The following NKAIN2 variants were observed in gnomAD, a reference collection of about 807,000 sequenced individuals.
NKAIN2 encodes the protein sodium/potassium transporting ATPase interacting 2.
Under a neutral mutation model 32.6 loss-of-function variants are expected in NKAIN2, and 14 were observed. That is an observed-to-expected ratio of 0.43 (90% CI 0.28 to 0.67). The LOEUF is 0.67. NKAIN2 is among the 30% of genes least tolerant of loss of function. NKAIN2 has a pLI of 0.17. For synonymous variants in NKAIN2, 80 were observed against 87.2 expected (o/e 0.92, Z 0.46); for missense variants, 198 against 258.3 (o/e 0.77, Z 1.60).
At chr6:124,050,318 T>C (rs1366351906) in intron 1 of NKAIN2, among the ~76,000 whole-genome samples, 1 of 152,076 alleles carries the variant, frequency 6.6e-6, no homozygotes, top group African/African-American at 2.4e-5. Context: ...TCACTTAGTC[T>C]GACTGGTCAA....
chr6:124,334,901 C>T lies in NKAIN2; in HGVS notation c.193-20366C>T, dbSNP rs544484579. The stretch of plus-strand genomic sequence containing the variant: ...AGTTGAGCCCACGCTCAGGAATGAA[C>T]AGCTTGGAAGTTAGAAGCAAGATGG... On this transcript the variant is annotated intron_variant, in intron 2 of 6. Coordinates refer to ENST00000368417, the MANE Select transcript of NKAIN2 (RefSeq NM_001040214.3). 1.2e-4 allele frequency among the ~76,000 whole-genome samples: 19 copies of T among 152,264 alleles called. No individual in the cohort carries two copies. The South Asian group carries it at 3.3e-3, about 27-fold the overall frequency.
chr6:123,978,395 G>A (rs1778739661), intron 1 of NKAIN2, among the ~76,000 whole-genome samples: 1 of 152,148 alleles, frequency 6.6e-6, no homozygotes. Context: ...TCACTCTGCA[G>A]TTGTCAATTA....
At chr6:124,314,938 A>G (rs1301485819) in intron 2 of NKAIN2, among the ~76,000 whole-genome samples, 5 of 152,178 alleles carry the variant, frequency 3.3e-5, no homozygotes. Flanking sequence ...CCTAGTATCA[A>G]TATTCAATTT....
At chr6:124,761,270 A>G (rs952917232) in intron 4 of NKAIN2, among the ~76,000 whole-genome samples, 25 of 152,202 alleles carry the variant, frequency 1.6e-4, no homozygotes, top group African/African-American at 5.8e-4. Context: ...ACAGATAGTT[A>G]CCACACATGA....
At position 123,956,469 on chromosome 6, in the gene NKAIN2, CTG is replaced by C. The variant is rs1777597572; in HGVS notation, c.54+152219_54+152220del. On this transcript the variant is annotated intron_variant, in intron 1 of 6. Transcript: ENST00000368417. ...TACGTGTGCACACATAGAGGAATGGCTGTGTAAGGAGTAGCAAGTAGTCCCCT... is the reference window on the plus strand; with the variant it reads ...TACGTGTGCACACATAGAGGAATGGCTGTAAGGAGTAGCAAGTAGTCCCCT... Among the ~76,000 whole-genome samples the C allele has an allele frequency of 2.6e-5, 4 of 152,276 alleles. No homozygotes were observed. The South Asian group carries it at 8.3e-4, about 32-fold the overall frequency.
At chr6:123,861,300 G>A (rs1775777892) in intron 1 of NKAIN2, among the ~76,000 whole-genome samples, 1 of 152,178 alleles carries the variant, frequency 6.6e-6, no homozygotes, top group Admixed American at 6.5e-5. Flanking sequence ...ATATTTTAGA[G>A]GTCAGAAGCA....
intron 1 of NKAIN2, among the ~76,000 whole-genome samples, chr6:124,017,141 G>A (rs1318029985): frequency 6.6e-6 from 1 of 152,150 alleles, no homozygotes; most frequent in African/African-American, 2.4e-5. Context: ...GTCTTAACAT[G>A]GCAGTAGGCA....
At chr6:124,252,140 C>T (rs1344762145) in intron 1 of NKAIN2, among the ~76,000 whole-genome samples, 1 of 151,996 alleles carries the variant, frequency 6.6e-6, no homozygotes, top group Non-Finnish European at 1.5e-5. Flanking sequence ...GCGTGGTTCA[C>T]ATAGTCACAC....
intron 3 of NKAIN2, among the ~76,000 whole-genome samples, chr6:124,510,074 T>C (rs1778651633): frequency 6.6e-6 from 1 of 152,010 alleles, no homozygotes; most frequent in Non-Finnish European, 1.5e-5. Context: ...TTCCCACTGT[T>C]CCCTGACTGG....
intron 4 of NKAIN2, among the ~76,000 whole-genome samples, chr6:124,706,599 C>A (rs1441000836): frequency 6.6e-6 from 1 of 152,048 alleles, no homozygotes; most frequent in Non-Finnish European, 1.5e-5. Flanking sequence ...CCAAACAGGG[C>A]AGACTCAAAG....
chr6:123,952,578 A>G (rs1042312490), intron 1 of NKAIN2, among the ~76,000 whole-genome samples: 2 of 152,112 alleles, frequency 1.3e-5, no homozygotes, highest in Non-Finnish European at 2.9e-5. Context: ...CATTCTTTTT[A>G]AAACATTCTT....
chr6:124,356,081 T>A lies in NKAIN2; in HGVS notation c.273+734T>A, dbSNP rs899528932. 5.7e-4 allele frequency among the ~76,000 whole-genome samples: 87 copies of A among 152,218 alleles called. 1 individual carries two copies. Among genetic ancestry groups the A allele is most frequent in the Non-Finnish European group, 7.3e-5 (5 of 68,032 alleles). The stretch of plus-strand genomic sequence containing the variant: ...TCAAACTTGTATGTACTTCCTCGTA[T>A]TTAAAACTTTAAAACATAAAAATTG... On this transcript the variant is annotated intron_variant, in intron 3 of 6. Coordinates refer to ENST00000368417, the MANE Select transcript of NKAIN2 (RefSeq NM_001040214.3).
chr6:124,085,310 A>T (rs1784145869), intron 1 of NKAIN2, among the ~76,000 whole-genome samples: 1 of 151,872 alleles, frequency 6.6e-6, no homozygotes, highest in Non-Finnish European at 1.5e-5. Context: ...GGCTTAAAAA[A>T]TGAAATAACC....
At chr6:123,809,938 T>G (rs1302215074) in intron 1 of NKAIN2, among the ~76,000 whole-genome samples, 2 of 152,210 alleles carry the variant, frequency 1.3e-5, no homozygotes, top group African/African-American at 4.8e-5. Flanking sequence ...AAACTGATTT[T>G]TAAGTGCATT....
intron 3 of NKAIN2, among the ~76,000 whole-genome samples, chr6:124,526,953 G>C (rs765130600): frequency 6.6e-6 from 1 of 151,930 alleles, no homozygotes; most frequent in Non-Finnish European, 1.5e-5. Context: ...TTCCTTATTA[G>C]CCTCAGCTAT....
chr6:124,718,401 C>A (rs911153456), intron 4 of NKAIN2, among the ~76,000 whole-genome samples: 1 of 152,074 alleles, frequency 6.6e-6, no homozygotes, highest in African/African-American at 2.4e-5. Flanking sequence ...TCATAGCATG[C>A]ATCAGTATTT....
chr6:124,287,860 T>G (rs1795627536), intron 2 of NKAIN2, among the ~76,000 whole-genome samples: 2 of 152,154 alleles, frequency 1.3e-5, no homozygotes, highest in Non-Finnish European at 1.5e-5. Flanking sequence ...CTGAGGAATA[T>G]GTAGGTTCCT....
chr6:124,723,460 A>G (rs1188878037), intron 4 of NKAIN2, among the ~76,000 whole-genome samples: 1 of 152,192 alleles, frequency 6.6e-6, no homozygotes, highest in Non-Finnish European at 1.5e-5. Context: ...TCTTTTAATC[A>G]GTAAAAGTCA....
chr6:124,599,158 T>A (rs987638797), intron 3 of NKAIN2, among the ~76,000 whole-genome samples: 3 of 151,994 alleles, frequency 2.0e-5, no homozygotes, highest in African/African-American at 7.2e-5. Context: ...ACTTCCTGTC[T>A]TTGGTGCCTC....
Sources: gnomAD v4.1 joint callset for allele counts (sites outside exome capture counted in the v4.1 genomes callset) on GRCh38, gnomAD v4.1.1 for gene constraint, MANE v1.5 for transcripts, NCBI Gene and HGNC (gene_info 2026-07-23, HGNC 2026-07-21) for gene names.